ASXL3: variants seen among roughly 807,000 people sequenced by gnomAD.
The protein encoded by ASXL3 is putative Polycomb group protein ASXL3.
In ASXL3, 34 loss-of-function variants were observed where a neutral mutation model predicts 170.6. The ratio of observed to expected loss-of-function variants is 0.20; its 90% CI spans 0.15 to 0.27. The LOEUF is 0.27. Ranked by LOEUF, ASXL3 falls within the 10% of genes least tolerant of loss-of-function variation. The pLI, the probability that ASXL3 is intolerant of heterozygous loss-of-function variation, is 1.00. For missense variants in ASXL3, 2,592 were observed against 2,695.3 expected, an observed-to-expected ratio of 0.96 and a Z score of 0.85; for synonymous variants, 1,002 against 989.1, an observed-to-expected ratio of 1.01 and a Z score of -0.24.
intron 8 of ASXL3, among the ~76,000 whole-genome samples, chr18:33,721,496 G>A (rs2067259394): frequency 6.6e-6 from 1 of 152,004 alleles, no homozygotes; most frequent in Non-Finnish European, 1.5e-5. Flanking sequence ...TGGATATAGA[G>A]ATGTACATAC....
chr18:33,740,521 TAGA>T, intron 11 of ASXL3, 78 bp downstream of exon 11: 1 of 1,336,424 alleles, frequency 7.5e-7, no homozygotes. Flanking sequence ...CAAGAGTAAT[TAGA>T]TTTTCTTCCT....
chr18:33,634,271 C>T (rs1460689184), intron 2 of ASXL3, among the ~76,000 whole-genome samples: 1 of 150,142 alleles, frequency 6.7e-6, no homozygotes, highest in Non-Finnish European at 1.5e-5. Context: ...CAGCAGAGTA[C>T]CCACGTTCCA....
rs2145428035 is a variant in ASXL3, at chr18:33,744,215, C to T, written c.4367C>T (p.Pro1456Leu). 1 of 1,613,914 alleles carries T rather than the reference C, an allele frequency of 6.2e-7. No individual in the cohort carries two copies. The highest frequency in any genetic ancestry group is 1.1e-5 in the South Asian group (1 of 91,088). The change falls in exon 12 of 12, where the codon CCA (proline) becomes CTA (leucine). Residue 1456 changes from proline (P) to leucine (L), a missense_variant. Coordinates refer to ENST00000269197, the MANE Select transcript of ASXL3 (RefSeq NM_030632.3). ...RADNSGKPQQPPGGFAPAAIN... is the reference protein window; with the variant it reads ...RADNSGKPQQLPGGFAPAAIN... ...GATAATTCTGGAAAACCTCAGCAAC[C>T]ACCAGGGGGCTTTGCACCAGCAGCC... is the stretch of plus-strand genomic sequence containing the variant.
intron 1 of ASXL3, among the ~76,000 whole-genome samples, chr18:33,580,064 A>G (rs2064979454): frequency 6.6e-6 from 1 of 152,206 alleles, no homozygotes; most frequent in African/African-American, 2.4e-5. Context: ...TTTAATTGCA[A>G]TCTAGTTATT....
chr18:33,620,069 C>T (rs113098077), intron 2 of ASXL3, among the ~76,000 whole-genome samples: 16 of 152,250 alleles, frequency 1.1e-4, no homozygotes, highest in African/African-American at 3.8e-4. Context: ...CATCCACTCT[C>T]CTATCACCCA....
chr18:33,678,877 G>A (rs2145274161), intron 7 of ASXL3, among the ~76,000 whole-genome samples: 1 of 152,202 alleles, frequency 6.6e-6, no homozygotes, highest in South Asian at 2.1e-4. Flanking sequence ...CTCTGTCTTT[G>A]TTCCAAAATC....
At chr18:33,701,365 A>G (rs551479044) in intron 8 of ASXL3, among the ~76,000 whole-genome samples, 2 of 152,086 alleles carry the variant, frequency 1.3e-5, no homozygotes, top group East Asian at 1.9e-4. Context: ...CTTTGAATCT[A>G]TAAATCATTT....
At chr18:33,581,472 A>AGT (rs150752638) in intron 1 of ASXL3, among the ~76,000 whole-genome samples, 6,034 of 145,234 alleles carry the variant, frequency 0.042, 132 homozygotes, top group Non-Finnish European at 0.048. Flanking sequence ...TGCTGGAGTG[A>AGT]GTGTGTGTGT....
intron 8 of ASXL3, among the ~76,000 whole-genome samples, chr18:33,725,682 A>G (rs566219133): frequency 6.6e-6 from 1 of 152,302 alleles, no homozygotes; most frequent in Admixed American, 6.5e-5. Context: ...GATGCCATCA[A>G]GATATCCTTA....
At chr18:33,656,900 G>A (rs561360740) in intron 4 of ASXL3, among the ~76,000 whole-genome samples, 11 of 152,220 alleles carry the variant, frequency 7.2e-5, no homozygotes, top group African/African-American at 2.4e-4. Flanking sequence ...AAAAATCATA[G>A]TTGAAAGTTA....
intron 4 of ASXL3, among the ~76,000 whole-genome samples, chr18:33,658,230 A>C (rs2066113541): frequency 6.6e-6 from 1 of 152,148 alleles, no homozygotes; most frequent in East Asian, 1.9e-4. Flanking sequence ...GGCCAAAGTC[A>C]GTCTCTTAGA....
At chr18:33,731,719 T>C (rs2067449248) in intron 8 of ASXL3, among the ~76,000 whole-genome samples, 1 of 152,166 alleles carries the variant, frequency 6.6e-6, no homozygotes, top group South Asian at 2.1e-4. Context: ...TGCATACATC[T>C]AAACTCCTAG....
intron 2 of ASXL3, among the ~76,000 whole-genome samples, chr18:33,633,809 C>T (rs1036925088): frequency 1.6e-5 from 2 of 127,882 alleles, no homozygotes; most frequent in East Asian, 4.6e-4. Context: ...CAGGCCACTG[C>T]ATTACAGCCT....
chr18:33,622,252 G>A (rs1015523433), intron 2 of ASXL3, among the ~76,000 whole-genome samples: 2 of 152,078 alleles, frequency 1.3e-5, no homozygotes, highest in African/African-American at 4.8e-5. Flanking sequence ...AATTCATTAT[G>A]TGTTGTCTTA....
At chr18:33,625,273 A>G (rs1848137022) in intron 2 of ASXL3, among the ~76,000 whole-genome samples, 1 of 152,258 alleles carries the variant, frequency 6.6e-6, no homozygotes, top group East Asian at 1.9e-4. Flanking sequence ...AGTGGCCATC[A>G]CAGCAAATGT....
Position 33,746,429 on chromosome 18 carries a change from A to G in ASXL3, c.6581A>G (p.Gln2194Arg). 1 of 1,614,042 alleles carries G rather than the reference A, an allele frequency of 6.2e-7. No individual in the cohort carries two copies. Among genetic ancestry groups the G allele is most frequent in the South Asian group, 1.1e-5 (1 of 91,086 alleles). The change falls in exon 12 of 12, where the codon CAG (glutamine) becomes CGG (arginine). Residue 2194 changes from glutamine (Q) to arginine (R), a missense_variant. Gln to Arg is a conservative substitution (Grantham distance 43, BLOSUM62 1). Transcript: ENST00000269197. ...PATGLSGQNA[Q>R]MPVQNFADSS... ...ACAGGCTTGTCTGGTCAGAACGCTC[A>G]GATGCCCGTTCAGAACTTTGCCGAC...
intron 7 of ASXL3, among the ~76,000 whole-genome samples, chr18:33,674,635 T>C (rs79951398): frequency 1.6e-4 from 25 of 152,150 alleles, no homozygotes; most frequent in African/African-American, 6.0e-4. Flanking sequence ...TTTTTTTTTT[T>C]GAGACGGAGT....
intron 2 of ASXL3, among the ~76,000 whole-genome samples, chr18:33,623,367 G>A (rs1023291937): frequency 6.6e-6 from 1 of 152,086 alleles, no homozygotes; most frequent in Non-Finnish European, 1.5e-5. Flanking sequence ...GATATTTTCA[G>A]ATTGAATGAG....
chr18:33,627,728 A>G (rs2065622907), intron 2 of ASXL3, among the ~76,000 whole-genome samples: 1 of 152,156 alleles, frequency 6.6e-6, no homozygotes, highest in Non-Finnish European at 1.5e-5. Context: ...GTTTTAAGGA[A>G]TTTGCAGCAT....
Sources: allele counts gnomAD v4.1 joint callset (sites outside exome capture counted in the v4.1 genomes callset), GRCh38; gene constraint gnomAD v4.1.1; transcripts MANE v1.5; gene names NCBI Gene and HGNC (gene_info 2026-07-23, HGNC 2026-07-21).